Variants in GPHN observed in about 807,000 individuals in gnomAD.
GPHN encodes gephyrin.
A neutral mutation model predicts 95.5 loss-of-function variants in GPHN; 17 were observed. The ratio of observed to expected loss-of-function variants is 0.18; its 90% CI spans 0.12 to 0.27. The LOEUF is 0.27. Among genes scored for constraint, GPHN ranks in the 10% least tolerant of loss-of-function variants. The pLI, the probability that GPHN is intolerant of heterozygous loss-of-function variation, is 1.00. For missense variants in GPHN, 660 were observed against 978.1 expected (o/e 0.67, Z 4.34); for synonymous variants, 320 against 322.5 (o/e 0.99, Z 0.08).
the GPHN span, among the ~76,000 whole-genome samples, chr14:67,427,887 G>A: frequency 6.6e-6 from 1 of 151,020 alleles, no homozygotes; most frequent in Non-Finnish European, 1.5e-5. Context: ...ACACATTTCC[G>A]AGACACCCAG....
chr14:67,513,523 G>A, the GPHN span, among the ~76,000 whole-genome samples: 10 of 152,250 alleles, frequency 6.6e-5, no homozygotes, highest in South Asian at 4.2e-4. Context: ...CCCACCCAAC[G>A]CCTGCCATGC....
the GPHN span, among the ~76,000 whole-genome samples, chr14:67,519,971 C>T: frequency 6.6e-6 from 1 of 152,180 alleles, no homozygotes; most frequent in Non-Finnish European, 1.5e-5. Flanking sequence ...GGTCCTCCCA[C>T]CTCGGCCCCC....
intron 1 of GPHN, among the ~76,000 whole-genome samples, chr14:66,611,731 C>T (rs1448436465): frequency 6.6e-6 from 1 of 152,118 alleles, no homozygotes; most frequent in African/African-American, 2.4e-5. Flanking sequence ...TTGATATTTG[C>T]TCTTTTAAAA....
the GPHN span, among the ~76,000 whole-genome samples, chr14:67,554,454 G>A: frequency 1.3e-5 from 2 of 152,142 alleles, no homozygotes; most frequent in African/African-American, 4.8e-5. Context: ...TGGAAGGCGT[G>A]GCTGGGATGC....
intron 10 of GPHN, among the ~76,000 whole-genome samples, chr14:67,044,625 A>G (rs2074898438): frequency 6.6e-6 from 1 of 152,150 alleles, no homozygotes; most frequent in African/African-American, 2.4e-5. Context: ...CCAGAACTCC[A>G]TGAGTGCTGC....
At chr14:67,122,623 T>G (rs1156432873) in intron 17 of GPHN, among the ~76,000 whole-genome samples, 1 of 152,226 alleles carries the variant, frequency 6.6e-6, no homozygotes, top group Non-Finnish European at 1.5e-5. Flanking sequence ...CAAAGGATGT[T>G]TTTGTAATAG....
At chr14:67,360,538 C>T in the GPHN span, 1 of 255,754 alleles carries the variant, frequency 3.9e-6, no homozygotes, top group Non-Finnish European at 7.4e-6. Context: ...GCGGGTAGGC[C>T]CCGGGCTAAT....
chr14:67,589,319 T>C, the GPHN span: 8 of 976,646 alleles, frequency 8.2e-6, no homozygotes, highest in Non-Finnish European at 9.7e-6. Flanking sequence ...GATTCAATAT[T>C]TGCTTATTTA....
At chr14:66,883,476 G>A (rs1005033341) in intron 5 of GPHN, among the ~76,000 whole-genome samples, 4 of 151,680 alleles carry the variant, frequency 2.6e-5, no homozygotes, top group Admixed American at 6.6e-5. Context: ...ATTATTCTTC[G>A]GACAATTTCA....
chr14:66,815,396 A>T (rs2060921394), intron 3 of GPHN, among the ~76,000 whole-genome samples: 1 of 152,190 alleles, frequency 6.6e-6, no homozygotes, highest in East Asian at 1.9e-4. Context: ...GAAAGAAAAC[A>T]TGTTAAAGGC....
At chr14:67,280,727 C>T in the GPHN span, among the ~76,000 whole-genome samples, 2 of 151,996 alleles carry the variant, frequency 1.3e-5, no homozygotes, top group South Asian at 4.2e-4. Flanking sequence ...CTAATTTGGC[C>T]AAAGGTACCA....
chr14:66,617,719 A>T (rs1471110717), intron 1 of GPHN, among the ~76,000 whole-genome samples: 5 of 152,140 alleles, frequency 3.3e-5, no homozygotes, highest in African/African-American at 4.8e-5. Context: ...TTTTTTTCAT[A>T]AATGGATATT....
intron 16 of GPHN, among the ~76,000 whole-genome samples, chr14:67,119,231 G>A (rs2078872400): frequency 6.6e-6 from 1 of 152,144 alleles, no homozygotes; most frequent in Admixed American, 6.5e-5. Context: ...GTCCTGGTTT[G>A]GTACAGTTTA....
At chr14:67,396,340 G>T in the GPHN span, among the ~76,000 whole-genome samples, 1 of 151,238 alleles carries the variant, frequency 6.6e-6, no homozygotes, top group South Asian at 2.1e-4. Context: ...TAGAGACGGG[G>T]TTTCACCATG....
the GPHN span, among the ~76,000 whole-genome samples, chr14:67,317,763 A>G: frequency 1.3e-5 from 2 of 152,366 alleles, no homozygotes; most frequent in East Asian, 1.9e-4. Context: ...CTTACAGAAC[A>G]TACTTGAAGT....
chr14:67,615,263 AT>A, the GPHN span: 1 of 152,674 alleles, frequency 6.5e-6, no homozygotes, highest in East Asian at 1.9e-4. Flanking sequence ...TTGAAAACAG[AT>A]TTTTAAATTA....
At chr14:67,168,172 T>C (rs1478432920) in intron 20 of GPHN, among the ~76,000 whole-genome samples, 2 of 152,228 alleles carry the variant, frequency 1.3e-5, no homozygotes, top group African/African-American at 4.8e-5. Flanking sequence ...GAGGCCTCTC[T>C]CCCTGGCTTG....
chr14:66,740,118 C>T (rs563600059), intron 2 of GPHN, among the ~76,000 whole-genome samples: 2 of 152,256 alleles, frequency 1.3e-5, no homozygotes, highest in South Asian at 4.2e-4. Flanking sequence ...CAAAACTACA[C>T]TGTTTCATGC....
the GPHN span, chr14:67,374,754 C>T: frequency 7.5e-4 from 287 of 384,916 alleles, 2 homozygotes; most frequent in African/African-American, 5.7e-3. Flanking sequence ...TGGAATGCCT[C>T]ATAAAATACG....
Sources: gnomAD v4.1 joint callset for allele counts (sites outside exome capture counted in the v4.1 genomes callset) on GRCh38, gnomAD v4.1.1 for gene constraint, MANE v1.5 for transcripts, NCBI Gene and HGNC (gene_info 2026-07-23, HGNC 2026-07-21) for gene names.